The following ADIPOR2 variants were observed in gnomAD, a reference collection of about 807,000 sequenced individuals.
The protein encoded by ADIPOR2 is adiponectin receptor protein 2.
In ADIPOR2, 18 loss-of-function variants were observed where a neutral mutation model predicts 40.9. That is an observed-to-expected ratio of 0.44 (90% CI 0.30 to 0.65). The LOEUF (loss-of-function observed/expected upper bound fraction) is 0.65, where lower values mean the gene tolerates loss of function less well. Among genes scored for constraint, ADIPOR2 ranks in the 30% least tolerant of loss-of-function variants. The pLI, the probability that ADIPOR2 is intolerant of heterozygous loss-of-function variation, is 0.09. For synonymous variants in ADIPOR2, 165 were observed against 166.4 expected (o/e 0.99, Z 0.06); for missense variants, 283 against 479.2 (o/e 0.59, Z 3.82).
chr12:1,778,149 T>G, intron 4 of ADIPOR2, 124 bp downstream of exon 4: 2 of 1,147,244 alleles, frequency 1.7e-6, no homozygotes, highest in Non-Finnish European at 2.3e-6. Flanking sequence ...TTTCTGAATT[T>G]CTAATGATGA....
intron 6 of ADIPOR2, 34 bp from the exon 7 acceptor site, chr12:1,783,845 TC>T: frequency 6.7e-7 from 1 of 1,502,702 alleles, no homozygotes; most frequent in Non-Finnish European, 9.0e-7. Flanking sequence ...TTGTTTCTCT[TC>T]TGCATTACTT....
chr12:1,733,192 A>G (rs571977502), intron 1 of ADIPOR2, among the ~76,000 whole-genome samples: 3 of 152,252 alleles, frequency 2.0e-5, no homozygotes, highest in Admixed American at 6.5e-5. Context: ...GTTTTGTTCA[A>G]AAATCACTGT....
intron 1 of ADIPOR2, among the ~76,000 whole-genome samples, chr12:1,750,153 C>T (rs1040080991): frequency 6.6e-6 from 1 of 151,804 alleles, no homozygotes; most frequent in Non-Finnish European, 1.5e-5. Context: ...GCATATAGGG[C>T]CTATACGTAT....
At chr12:1,705,832 C>G (rs1592574191) in intron 1 of ADIPOR2, among the ~76,000 whole-genome samples, 1 of 152,088 alleles carries the variant, frequency 6.6e-6, no homozygotes, top group East Asian at 1.9e-4. Flanking sequence ...TATTGAAGTC[C>G]TATAAGATGG....
chr12:1,769,791 GT>G (rs564797846), intron 2 of ADIPOR2, among the ~76,000 whole-genome samples: 15 of 152,030 alleles, frequency 9.9e-5, no homozygotes, highest in Non-Finnish European at 2.1e-4. Flanking sequence ...GTGCACCCAC[GT>G]TGGCCTCCCA....
chr12:1,695,258 G>A (rs936722507), intron 1 of ADIPOR2, among the ~76,000 whole-genome samples: 5 of 151,858 alleles, frequency 3.3e-5, no homozygotes, highest in African/African-American at 1.2e-4. Context: ...GGGAGGTTGA[G>A]GTGGGAGGAT....
At chr12:1,782,160 G>T (rs1862731624) in intron 6 of ADIPOR2, among the ~76,000 whole-genome samples, 1 of 152,206 alleles carries the variant, frequency 6.6e-6, no homozygotes, top group Non-Finnish European at 1.5e-5. Flanking sequence ...TTCCTTAGAG[G>T]AGCAGAGGTA....
At chr12:1,701,109 T>TCTGAGTA (rs919822966) in intron 1 of ADIPOR2, among the ~76,000 whole-genome samples, 3 of 151,578 alleles carry the variant, frequency 2.0e-5, no homozygotes, top group African/African-American at 7.3e-5. Flanking sequence ...TAACTATTAT[T>TCTGAGTA]CTGAGTATGG....
intron 2 of ADIPOR2, among the ~76,000 whole-genome samples, chr12:1,766,414 C>G (rs1413796695): frequency 6.6e-6 from 1 of 152,126 alleles, no homozygotes; most frequent in Non-Finnish European, 1.5e-5. Flanking sequence ...GACAAGACAC[C>G]TGGGGCCTGA....
chr12:1,786,116 C>G lies in ADIPOR2; in HGVS notation c.*44C>G. ...GACTATGACCCTAAACCAGGGCCTG[C>G]GGCACTTGCGGGCCTCCCTGCTGGC... On this transcript the variant is annotated 3_prime_UTR_variant, in exon 8 of 8. Transcript: ENST00000357103. 12 of 1,588,540 alleles carry G rather than the reference C, an allele frequency of 7.6e-6. No homozygotes were observed. The highest frequency in any genetic ancestry group is 1.0e-5 in the Non-Finnish European group (12 of 1,168,654).
At chr12:1,746,086 G>T (rs951085113) in intron 1 of ADIPOR2, among the ~76,000 whole-genome samples, 1 of 151,940 alleles carries the variant, frequency 6.6e-6, no homozygotes, top group African/African-American at 2.4e-5. Context: ...TAAAAAATAT[G>T]ATCTATTTTA....
chr12:1,695,346 C>G (rs1402242786), intron 1 of ADIPOR2, among the ~76,000 whole-genome samples: 1 of 148,954 alleles, frequency 6.7e-6, no homozygotes, highest in East Asian at 2.0e-4. Context: ...CAGCATGACT[C>G]TGTCTCTTAA....
At chr12:1,757,940 G>A (rs560737465) in intron 2 of ADIPOR2, 89 of 1,000,414 alleles carry the variant, frequency 8.9e-5, no homozygotes, top group African/African-American at 5.1e-4. Flanking sequence ...CAAACACACC[G>A]GTCAATTTAT....
At chr12:1,693,660 A>G (rs927246925) in intron 1 of ADIPOR2, among the ~76,000 whole-genome samples, 2 of 151,436 alleles carry the variant, frequency 1.3e-5, no homozygotes, top group African/African-American at 4.9e-5. Flanking sequence ...CAGCCTCCCT[A>G]GTAGCTGGGA....
rs9805042 is a variant in ADIPOR2, at chr12:1,784,004, C to T, written c.963C>T (p.Tyr321=). The change falls in exon 7 of 8, where the codon TAC becomes TAT. Residue 321 remains tyrosine, a synonymous_variant. Coordinates refer to ENST00000357103, the MANE Select transcript of ADIPOR2 (RefSeq NM_024551.3). ...IGWLMLMASL[Y]ITGAALYAAR... Reference sequence around the variant, plus strand: ...GGTTGATGCTGATGGCCAGCCTCTACATCACAGGAGCTGCCCTGTATGCTG... The same window carrying T: ...GGTTGATGCTGATGGCCAGCCTCTATATCACAGGAGCTGCCCTGTATGCTG... 233,186 of 1,613,196 alleles carry T rather than the reference C, an allele frequency of 0.14. 21,924 individuals are homozygous for T. Among genetic ancestry groups the T allele is most frequent in the African/African-American group, 0.48 (35,974 of 74,858 alleles).
At chr12:1,712,254 A>G (rs1315318628) in intron 1 of ADIPOR2, among the ~76,000 whole-genome samples, 3 of 152,062 alleles carry the variant, frequency 2.0e-5, no homozygotes, top group Non-Finnish European at 4.4e-5. Context: ...TCTGGGAGAA[A>G]AGTGGCAGGG....
At chr12:1,730,353 C>T (rs932110697) in intron 1 of ADIPOR2, among the ~76,000 whole-genome samples, 2 of 150,412 alleles carry the variant, frequency 1.3e-5, no homozygotes, top group Non-Finnish European at 3.0e-5. Context: ...CGCGGTGGCT[C>T]ACACCTGTAA....
rs900185449 is a variant in ADIPOR2 at position 1,782,960 on chromosome 12, T to C, written c.839-920T>C. Among the ~76,000 whole-genome samples, 354 of 144,136 alleles carry C rather than the reference T, an allele frequency of 2.5e-3. 2 individuals are homozygous for C. Among genetic ancestry groups the C allele is most frequent in the African/African-American group, 9.2e-3 (339 of 36,858 alleles). The allele number at this position is 144,136 out of a possible 152,430, so 94.6% of individuals were successfully genotyped here. On this transcript the variant is annotated intron_variant, in intron 6 of 7. Transcript: ENST00000357103. ...TTTCTTCTTTTTTCTTTTCTTTTCT[T>C]TTTCTTTCTTTCTTTCTTTTTTTTT... is the stretch of plus-strand genomic sequence containing the variant.
intron 1 of ADIPOR2, among the ~76,000 whole-genome samples, chr12:1,731,442 A>G (rs771013686): frequency 6.6e-6 from 1 of 152,316 alleles, no homozygotes; most frequent in African/African-American, 2.4e-5. Context: ...CAATCATCAC[A>G]CTACCTAGTT....
Sources: allele counts gnomAD v4.1 joint callset (sites outside exome capture counted in the v4.1 genomes callset), GRCh38; gene constraint gnomAD v4.1.1; transcripts MANE v1.5; gene names NCBI Gene and HGNC (gene_info 2026-07-23, HGNC 2026-07-21).